USP54: variants seen among roughly 807,000 people sequenced by gnomAD.
USP54 encodes the protein ubiquitin specific peptidase 54.
Under a neutral mutation model 170.5 loss-of-function variants are expected in USP54, and 87 were observed. That is an observed-to-expected ratio of 0.51 (90% CI 0.43 to 0.61). USP54 has a LOEUF of 0.61. USP54 is among the 20% of genes least tolerant of loss of function. USP54 has a pLI of 0.00. For missense variants in USP54, 1,786 were observed against 2,047.8 expected, an observed-to-expected ratio of 0.87 and a Z score of 2.47; for synonymous variants, 655 against 742.8, an observed-to-expected ratio of 0.88 and a Z score of 1.92.
At chr10:73,571,054 C>T (rs1202530733) in intron 4 of USP54, among the ~76,000 whole-genome samples, 2 of 144,314 alleles carry the variant, frequency 1.4e-5, no homozygotes, top group African/African-American at 2.6e-5. Flanking sequence ...AGGAGAATTG[C>T]TGGAACCCAG....
chr10:73,518,917 TTTTACCGTG>T (rs1173441081), intron 19 of USP54: 1 of 151,732 alleles, frequency 6.6e-6, no homozygotes, highest in Non-Finnish European at 1.5e-5. Context: ...AGAGACAGGG[TTTTACCGTG>T]TTGCCCAGGC....
At chr10:73,585,966 G>A (rs1416562268) in intron 1 of USP54, among the ~76,000 whole-genome samples, 5 of 151,968 alleles carry the variant, frequency 3.3e-5, no homozygotes, top group African/African-American at 1.2e-4. Flanking sequence ...AGCCAAGATC[G>A]CACCACTGCA....
chr10:73,507,009 A>G (rs1479378431), intron 20 of USP54: 1 of 152,164 alleles, frequency 6.6e-6, no homozygotes, highest in African/African-American at 2.4e-5. Context: ...GAATAAATAC[A>G]TTATGGTTTA....
At chr10:73,526,584 T>C in intron 16 of USP54, 63 bp downstream of exon 16, 1 of 1,600,692 alleles carries the variant, frequency 6.2e-7, no homozygotes, top group Non-Finnish European at 8.5e-7. Flanking sequence ...CTCAGGTAAG[T>C]CTGGTCCCCA....
At chr10:73,566,969 C>T (rs1358452350) in intron 4 of USP54, among the ~76,000 whole-genome samples, 1 of 151,854 alleles carries the variant, frequency 6.6e-6, no homozygotes, top group East Asian at 2.0e-4. Context: ...CTCCGCTTCC[C>T]GGGTTCAAGT....
In USP54 at chr10:73,534,628, A is replaced by T. The variant is rs1360967244; in HGVS notation, c.1287T>A (p.Asp429Glu). ...QGTVIYNVEN[D>E]SMSQSSRDTG... ...TGTCCCGACTGCTCTGAGACATGGA[A>T]TCATTTTCCACATTATAGATGACTG... Residue 429 changes from aspartate to glutamate, a missense_variant, in exon 12 of 24, where the codon GAT becomes GAA. Around this residue, in one of 3 missense-constraint regions of USP54, gnomAD observed 1,418 missense variants for 1,569.0 expected, o/e 0.90. Coordinates refer to ENST00000687698, the MANE Select transcript of USP54 (RefSeq NM_001391956.1). 3 of 1,614,126 alleles carry T rather than the reference A, an allele frequency of 1.9e-6. No homozygotes were observed. Among genetic ancestry groups the T allele is most frequent in the East Asian group, 2.2e-5 (1 of 44,878 alleles).
intron 5 of USP54, among the ~76,000 whole-genome samples, chr10:73,545,206 C>A (rs987485089): frequency 1.3e-5 from 2 of 152,066 alleles, no homozygotes; most frequent in African/African-American, 4.8e-5. Flanking sequence ...ACTTAGGAAC[C>A]TGTTAGATAC....
intron 15 of USP54, among the ~76,000 whole-genome samples, chr10:73,527,837 CAAAAAAAAAAAA>C (rs1015620084): frequency 2.3e-4 from 10 of 43,720 alleles, no homozygotes; most frequent in Non-Finnish European, 4.7e-4. Context: ...CCATCGATAC[CAAAAAAAAAAAA>C]AAAAAAAAAG....
chr10:73,580,951 T>A (rs1214563610), intron 1 of USP54, among the ~76,000 whole-genome samples: 1 of 152,214 alleles, frequency 6.6e-6, no homozygotes, highest in African/African-American at 2.4e-5. Context: ...TCGTATAGTC[T>A]AGGTGTGTAG....
At position 73,539,469 on chromosome 10, in the gene USP54, T is replaced by C; in HGVS notation, c.950A>G (p.Tyr317Cys). 6.2e-7 allele frequency: 1 copy of C among 1,611,064 alleles called. No individual in the cohort carries two copies. The highest frequency in any genetic ancestry group is 8.5e-7 in the Non-Finnish European group (1 of 1,178,038). ...FFQTKIRKWM[Y>C]FDDAHVKEIG... ...CTCCTTGACATGAGCATCATCAAAA[T>C]ACATCCATTTGCGAATCTTTGTTTG... Residue 317 changes from tyrosine to cysteine, a missense_variant, in exon 10 of 24, where the codon TAT becomes TGT. By Grantham distance (194) the Tyr-to-Cys change is radical. Around this residue, in one of 3 missense-constraint regions of USP54, gnomAD observed 361 missense variants for 455.0 expected, o/e 0.79. Transcript: ENST00000687698.
In USP54 at chr10:73,602,885, A is replaced by G. The variant is rs558130028; in HGVS notation, c.-18+22682T>C. 4.6e-5 allele frequency among the ~76,000 whole-genome samples: 7 copies of G among 151,016 alleles called. No individual in the cohort carries two copies. In the South Asian group the frequency reaches 6.3e-4, roughly 14 times the overall value. On this transcript the variant is annotated intron_variant, in intron 1 of 22. Transcript: ENST00000339859. ...AAAAAAAAAAAAAAAAAAAAATAGT[A>G]TAATAGTGGTACAAAATATCTTCAA...
At chr10:73,553,860 A>C (rs1489642929) in intron 4 of USP54, among the ~76,000 whole-genome samples, 2 of 152,224 alleles carry the variant, frequency 1.3e-5, no homozygotes, top group African/African-American at 4.8e-5. Context: ...TCTTGGATGC[A>C]GTACAAAAGC....
At chr10:73,519,686 G>C in intron 19 of USP54, 111 bp downstream of exon 19, 1 of 1,488,278 alleles carries the variant, frequency 6.7e-7, no homozygotes, top group Non-Finnish European at 9.1e-7. Context: ...TCTTTTCAGA[G>C]GACTCCTCTC....
intron 4 of USP54, among the ~76,000 whole-genome samples, chr10:73,548,461 C>A (rs1449602826): frequency 6.6e-6 from 1 of 152,136 alleles, no homozygotes; most frequent in East Asian, 1.9e-4. Context: ...TTCACAATAG[C>A]AAAGACTTGG....
intron 22 of USP54, among the ~76,000 whole-genome samples, chr10:73,502,468 G>A (rs1040144505): frequency 9.9e-5 from 15 of 152,166 alleles, no homozygotes; most frequent in African/African-American, 2.6e-4. Flanking sequence ...ACCCGCCACC[G>A]CGCCCAGCTA....
chr10:73,592,324 T>C (rs2078329553), upstream of USP54, among the ~76,000 whole-genome samples: 1 of 152,106 alleles, frequency 6.6e-6, no homozygotes, highest in African/African-American at 2.4e-5. Context: ...AGAGAAAATA[T>C]ACGAGTTGAC....
chr10:73,619,789 G>A (rs1564970266), intron 1 of USP54, among the ~76,000 whole-genome samples: 2 of 150,678 alleles, frequency 1.3e-5, no homozygotes, highest in African/African-American at 5.0e-5. Context: ...GTACAAGTAG[G>A]AAGTATAAGT....
intron 4 of USP54, among the ~76,000 whole-genome samples, chr10:73,557,546 C>T (rs1054606104): frequency 2.0e-5 from 3 of 150,376 alleles, no homozygotes; most frequent in Non-Finnish European, 4.4e-5. Context: ...AGTGCAGTGG[C>T]GCGATCTCAG....
In USP54 at chr10:73,521,576, A is replaced by G. The variant is rs140768557; in HGVS notation, c.2363-549T>C. ...ACCAATTCACAGTCCTCTATGCACC[A>G]CCCTAAACTGGAAAATCAGTGCACT... On this transcript the variant is annotated intron_variant, in intron 17 of 23. Transcript: ENST00000687698. Among the ~76,000 whole-genome samples the G allele has an allele frequency of 5.3e-5, 8 of 152,304 alleles. No homozygotes were observed. In the East Asian group the frequency reaches 1.5e-3, roughly 29 times the overall value.
Sources: gnomAD v4.1 joint callset for allele counts (sites outside exome capture counted in the v4.1 genomes callset) on GRCh38, gnomAD v4.1.1 for gene constraint, gnomAD v4.1.1 regional missense constraint, MANE v1.5 for transcripts, NCBI Gene and HGNC (gene_info 2026-07-23, HGNC 2026-07-21) for gene names.